ELMO1: variants seen among roughly 807,000 people sequenced by gnomAD.
The protein encoded by ELMO1 is engulfment and cell motility protein 1.
In ELMO1, 26 loss-of-function variants were observed where a neutral mutation model predicts 98.9. The observed-to-expected ratio is 0.26, with a 90% CI of 0.19 to 0.36. The LOEUF is 0.36. ELMO1 is among the 10% of genes least tolerant of loss of function. ELMO1 has a pLI of 1.00. For synonymous variants in ELMO1, 346 were observed against 346.0 expected (o/e 1.00, Z 0.00); for missense variants, 627 against 935.2 (o/e 0.67, Z 4.30).
intron 16 of ELMO1, among the ~76,000 whole-genome samples, chr7:36,924,848 T>C (rs984242270): frequency 2.0e-5 from 3 of 152,206 alleles, no homozygotes; most frequent in Non-Finnish European, 2.9e-5. Context: ...AGAAAAACTA[T>C]GCAACAGCTT....
chr7:36,854,969 T>G lies in ELMO1; in HGVS notation c.*582A>C, dbSNP rs1466340789. 1 of 160,474 alleles carries G rather than the reference T, an allele frequency of 6.2e-6. No individual in the cohort carries two copies. Among genetic ancestry groups the G allele is most frequent in the African/African-American group, 2.4e-5 (1 of 41,536 alleles). 9.9% of individuals were successfully genotyped at this position (160,474 alleles called of 1,614,324 possible). On this transcript the variant is annotated 3_prime_UTR_variant, in exon 22 of 22. Coordinates refer to ENST00000310758, the MANE Select transcript of ELMO1 (RefSeq NM_014800.11). ...AGGATCACGAGGAGGCTGCGGCTGC[T>G]GCTCTTGGGACCAAAGAGGAACAGA...
intron 7 of ELMO1, among the ~76,000 whole-genome samples, chr7:37,241,188 T>G (rs1170759485): frequency 6.6e-6 from 1 of 151,984 alleles, no homozygotes; most frequent in Non-Finnish European, 1.5e-5. Context: ...AATTTTTAGG[T>G]GCATACACAT....
chr7:36,962,019 C>T (rs781645157), intron 16 of ELMO1, among the ~76,000 whole-genome samples: 14 of 152,222 alleles, frequency 9.2e-5, no homozygotes, highest in Non-Finnish European at 1.9e-4. Context: ...ATCTTTTAAT[C>T]TATACTTGCA....
At chr7:37,328,368 AG>A (rs1359446354) in intron 2 of ELMO1, among the ~76,000 whole-genome samples, 1 of 118,218 alleles carries the variant, frequency 8.5e-6, no homozygotes, top group Non-Finnish European at 1.7e-5. Context: ...TGGGCAACAT[AG>A]GGAGACCCTG....
chr7:37,327,711 A>C (rs1421752692), intron 2 of ELMO1, among the ~76,000 whole-genome samples: 1 of 152,122 alleles, frequency 6.6e-6, no homozygotes, highest in Non-Finnish European at 1.5e-5. Context: ...CTTGAGTGGC[A>C]ATGGACATGA....
intron 21 of ELMO1, 136 bp downstream of exon 21, chr7:36,861,523 C>T (rs1802626833): frequency 1.1e-6 from 1 of 949,316 alleles, no homozygotes; most frequent in Non-Finnish European, 1.6e-6. Context: ...TTTCTATTCT[C>T]CTCCAAGTCA....
At chr7:37,291,296 T>C (rs1797668073) in intron 4 of ELMO1, among the ~76,000 whole-genome samples, 1 of 152,128 alleles carries the variant, frequency 6.6e-6, no homozygotes, top group African/African-American at 2.4e-5. Context: ...TTAAAATATA[T>C]AGCTAGAGAA....
intron 16 of ELMO1, among the ~76,000 whole-genome samples, chr7:36,971,271 G>C (rs1031580034): frequency 6.6e-6 from 1 of 152,194 alleles, no homozygotes. Flanking sequence ...GTGGAGGCGA[G>C]AGAAAGTTTT....
At chr7:37,187,166 T>C (rs1308867169) in intron 13 of ELMO1, among the ~76,000 whole-genome samples, 2 of 152,122 alleles carry the variant, frequency 1.3e-5, no homozygotes, top group Non-Finnish European at 1.5e-5. Context: ...ACTACATAGA[T>C]GAAACTTGAA....
At chr7:37,013,198 C>T (rs1233167208) in intron 16 of ELMO1, 101 bp downstream of exon 16, 2 of 1,428,990 alleles carry the variant, frequency 1.4e-6, no homozygotes, top group African/African-American at 1.4e-5. Context: ...TTCCTCATTT[C>T]CCCACCTTGC....
At chr7:36,915,907 A>G (rs1562820994) in intron 16 of ELMO1, among the ~76,000 whole-genome samples, 1 of 152,192 alleles carries the variant, frequency 6.6e-6, no homozygotes, top group African/African-American at 2.4e-5. Context: ...GCCACTGCCT[A>G]GATAAGGTTC....
At chr7:37,217,510 G>A (rs1793355709) in intron 10 of ELMO1, among the ~76,000 whole-genome samples, 1 of 151,122 alleles carries the variant, frequency 6.6e-6, no homozygotes, top group Non-Finnish European at 1.5e-5. Context: ...CTCTTACTGA[G>A]TAGAGAAGAA....
chr7:37,204,265 T>C (rs1792474744), intron 13 of ELMO1: 1 of 454,486 alleles, frequency 2.2e-6, no homozygotes, highest in Non-Finnish European at 4.4e-6. Flanking sequence ...TTAAAGATGG[T>C]GTGTCCAGAG....
At chr7:36,975,432 A>G (rs904409861) in intron 16 of ELMO1, among the ~76,000 whole-genome samples, 2 of 150,896 alleles carry the variant, frequency 1.3e-5, no homozygotes, top group African/African-American at 4.9e-5. Flanking sequence ...AGATCGCACC[A>G]CTGCACTGCA....
chr7:37,273,543 G>A (rs545680406), intron 4 of ELMO1, among the ~76,000 whole-genome samples: 1 of 152,288 alleles, frequency 6.6e-6, no homozygotes, highest in South Asian at 2.1e-4. Context: ...CCTAGTCTCA[G>A]GTAGTTGTTT....
At chr7:37,067,856 G>A (rs1272900818) in intron 15 of ELMO1, among the ~76,000 whole-genome samples, 1 of 151,972 alleles carries the variant, frequency 6.6e-6, no homozygotes, top group African/African-American at 2.4e-5. Context: ...TTCTCGGACT[G>A]GAGTCACTGA....
At chr7:37,017,542 A>C (rs1400727214) in intron 15 of ELMO1, among the ~76,000 whole-genome samples, 1 of 152,188 alleles carries the variant, frequency 6.6e-6, no homozygotes, top group Non-Finnish European at 1.5e-5. Flanking sequence ...GACCTTTAAA[A>C]GGGGAAAGAC....
At position 36,983,605 on chromosome 7, in the gene ELMO1, G is replaced by A. The variant is rs148418339; in HGVS notation, c.1437+29694C>T. On this transcript the variant is annotated intron_variant, in intron 16 of 21. Coordinates refer to ENST00000310758, the MANE Select transcript of ELMO1 (RefSeq NM_014800.11). ...GACTAAATTTCCTCATCTAAAACAGGCAAAAAAACTTAGTCCCATTAGGGC... is the reference window on the plus strand; with the variant it reads ...GACTAAATTTCCTCATCTAAAACAGACAAAAAAACTTAGTCCCATTAGGGC... Among the ~76,000 whole-genome samples the A allele has an allele frequency of 1.7e-3, 262 of 152,146 alleles. 5 individuals are homozygous for A. The East Asian group carries it at 0.036, about 21-fold the overall frequency.
intron 13 of ELMO1, among the ~76,000 whole-genome samples, chr7:37,202,121 A>C (rs182387342): frequency 2.6e-4 from 39 of 152,362 alleles, no homozygotes; most frequent in African/African-American, 9.4e-4. Flanking sequence ...TAACTGTATA[A>C]GATTTCAGTA....
Sources: gnomAD v4.1 joint callset for allele counts (sites outside exome capture counted in the v4.1 genomes callset) on GRCh38, gnomAD v4.1.1 for gene constraint, MANE v1.5 for transcripts, NCBI Gene and HGNC (gene_info 2026-07-23, HGNC 2026-07-21) for gene names.